MCM3: variants seen among roughly 807,000 people sequenced by gnomAD.
MCM3 encodes the protein DNA replication licensing factor MCM3.
Under a neutral mutation model 91.3 loss-of-function variants are expected in MCM3, and 59 were observed. The ratio of observed to expected loss-of-function variants is 0.65; its 90% CI spans 0.52 to 0.80. The LOEUF is 0.80. Among genes scored for constraint, MCM3 ranks in the 30% least tolerant of loss-of-function variants. The pLI is 0.00. For synonymous variants in MCM3, 383 were observed against 379.6 expected, an observed-to-expected ratio of 1.01 and a Z score of -0.10; for missense variants, 919 against 1,035.4, an observed-to-expected ratio of 0.89 and a Z score of 1.54.
intron 13 of MCM3, among the ~76,000 whole-genome samples, chr6:52,268,818 C>T (rs1253215904): frequency 2.0e-5 from 3 of 152,056 alleles, no homozygotes; most frequent in Non-Finnish European, 4.4e-5. Context: ...AAGCAGCTAA[C>T]TGAAAGTACA....
chr6:52,279,947 G>A (rs1203136659), intron 4 of MCM3, among the ~76,000 whole-genome samples: 1 of 152,194 alleles, frequency 6.6e-6, no homozygotes, highest in Non-Finnish European at 1.5e-5. Context: ...AATGCTCATA[G>A]CAACATTATG....
At chr6:52,281,303 T>G (rs1000684604) in intron 4 of MCM3, among the ~76,000 whole-genome samples, 1 of 152,224 alleles carries the variant, frequency 6.6e-6, no homozygotes, top group Non-Finnish European at 1.5e-5. Context: ...ATAACGTTGT[T>G]AAAACATCTA....
chr6:52,278,559 A>G (rs1765787179), intron 6 of MCM3, among the ~76,000 whole-genome samples, 183 bp downstream of exon 6: 1 of 152,212 alleles, frequency 6.6e-6, no homozygotes, highest in African/African-American at 2.4e-5. Context: ...TTGTTTAATA[A>G]CAACAGAATT....
chr6:52,270,729 A>G (rs1168822054), intron 12 of MCM3, among the ~76,000 whole-genome samples: 1 of 152,200 alleles, frequency 6.6e-6, no homozygotes, highest in Non-Finnish European at 1.5e-5. Flanking sequence ...AGGGCCTGGG[A>G]CACACCAGAA....
rs138564645 is a variant in MCM3, at chr6:52,269,152, G to A, written c.1902C>T (p.Ser634=). 5.6e-4 allele frequency: 899 copies of A among 1,614,082 alleles called. 8 individuals carry two copies. The East Asian group carries it at 0.02, about 35-fold the overall frequency. The part of the protein sequence containing the change: ...LATAHAKARM[S]KTVDLQDAEE... ...CTGCATCCTGCAGGTCCACAGTCTT[G>A]CTCATGCGGGCCTTCGCATGGGCTG... Residue 634 remains serine (S), a synonymous_variant, in exon 13 of 17, where the codon AGC becomes AGT. Coordinates refer to ENST00000596288, the MANE Select transcript of MCM3 (RefSeq NM_002388.6).
intron 10 of MCM3, 48 bp downstream of exon 10, chr6:52,273,694 T>C (rs1765325638): frequency 6.5e-7 from 1 of 1,542,626 alleles, no homozygotes. Flanking sequence ...AACTACCATC[T>C]GTTTAGCGCC....
chr6:52,277,116 G>A lies in MCM3; in HGVS notation c.1116C>T (p.Gly372=), dbSNP rs765145420. Residue 372 remains glycine (G), a synonymous_variant, in exon 8 of 17, where the codon GGC becomes GGT. Coordinates refer to ENST00000596288, the MANE Select transcript of MCM3 (RefSeq NM_002388.6). ...CAGCCGTCAGACCCACTCCAGAGGAGCCCCGGCCAGTGGTGGGGATAGCTC... is the reference window on the plus strand; with the variant it reads ...CAGCCGTCAGACCCACTCCAGAGGAACCCCGGCCAGTGGTGGGGATAGCTC... The part of the protein sequence containing the change: ...APRAIPTTGR[G]SSGVGLTAAV... 12 of 1,614,022 alleles carry A rather than the reference G, an allele frequency of 7.4e-6. No homozygotes were observed. The highest frequency in any genetic ancestry group is 1.0e-5 in the Non-Finnish European group (12 of 1,180,018).
intron 4 of MCM3, 30 bp from the exon 5 acceptor site, chr6:52,279,629 G>C: frequency 1.3e-6 from 2 of 1,500,846 alleles, no homozygotes; most frequent in Non-Finnish European, 1.8e-6. Context: ...GGGACAGAGT[G>C]ATCTCCGTCC....
intron 12 of MCM3, among the ~76,000 whole-genome samples, chr6:52,270,056 T>C (rs1253328398): frequency 6.6e-6 from 1 of 152,182 alleles, no homozygotes; most frequent in Non-Finnish European, 1.5e-5. Flanking sequence ...CCGGACGTGG[T>C]GGCTCACATC....
intron 13 of MCM3, among the ~76,000 whole-genome samples, chr6:52,268,490 A>G (rs1764822706): frequency 6.6e-6 from 1 of 152,232 alleles, no homozygotes; most frequent in Admixed American, 6.5e-5. Context: ...AGAGTTTATT[A>G]GACTCACAAC....
intron 9 of MCM3, 62 bp downstream of exon 9, chr6:52,276,206 C>T: frequency 6.8e-7 from 1 of 1,465,750 alleles, no homozygotes; most frequent in South Asian, 1.2e-5. Context: ...CACTTCTCAG[C>T]CCAGTTAGTC....
rs2128282707 is a variant in MCM3, at chr6:52,279,573, T to C, written c.558A>G (p.Thr186=). ...CCTTGTAGACAGAAAGGCCATATTC[T>C]GTCTCAAGGGGATTGTTCTCCTCAT... The part of the protein sequence containing the change: ...TKDEENNPLE[T]EYGLSVYKDH... Residue 186 remains threonine, a synonymous_variant, in exon 5 of 17, where the codon ACA becomes ACG. Transcript: ENST00000596288. 6.2e-7 allele frequency: 1 copy of C among 1,613,950 alleles called. No individual in the cohort carries two copies. The highest frequency in any genetic ancestry group is 8.5e-7 in the Non-Finnish European group (1 of 1,179,926).
rs762153505 is a variant in MCM3, at chr6:52,272,379, T to C, written c.1749A>G (p.Thr583=). 1.4e-5 allele frequency: 23 copies of C among 1,614,044 alleles called. No individual in the cohort carries two copies. In the South Asian group the frequency reaches 1.5e-4, roughly 11 times the overall value. The change falls in exon 12 of 17, where the codon ACA becomes ACG. Residue 583 remains threonine, a synonymous_variant. Transcript: ENST00000596288. ...HVAKIIKPVL[T]QESATYIAEE... is the part of the protein sequence containing the mutation. Reference sequence around the variant, plus strand: ...CTGCAATGTAGGTGGCCGACTCCTGTGTCAGGACAGGCTTGATGATTTTGG... The same window carrying C: ...CTGCAATGTAGGTGGCCGACTCCTGCGTCAGGACAGGCTTGATGATTTTGG...
chr6:52,277,044 G>C, intron 8 of MCM3, 23 bp downstream of exon 8: 1 of 1,605,424 alleles, frequency 6.2e-7, no homozygotes, highest in African/African-American at 1.3e-5. Flanking sequence ...CTGGGCCTTT[G>C]CCAAGGACCC....
In MCM3 at chr6:52,272,364, G is replaced by A; in HGVS notation, c.1764C>T (p.Thr588=). ...IKPVLTQESA[T]YIAEEYSRLR... is the part of the protein sequence containing the mutation. ...GGCGTGAATACTCTTCTGCAATGTAGGTGGCCGACTCCTGTGTCAGGACAG... is the reference window on the plus strand; with the variant it reads ...GGCGTGAATACTCTTCTGCAATGTAAGTGGCCGACTCCTGTGTCAGGACAG... Residue 588 remains threonine, a synonymous_variant, in exon 12 of 17, where the codon ACC becomes ACT. Transcript: ENST00000596288. The A allele has an allele frequency of 6.2e-7, 1 of 1,614,150 alleles. No individual in the cohort carries two copies. The highest frequency in any genetic ancestry group is 8.5e-7 in the Non-Finnish European group (1 of 1,180,024).
chr6:52,273,613 A>T, intron 10 of MCM3, 129 bp downstream of exon 10: 1 of 978,938 alleles, frequency 1.0e-6, no homozygotes, highest in Non-Finnish European at 1.5e-6. Context: ...GGAGGTGGCT[A>T]AACAGTTGAG....
chr6:52,267,865 C>T lies in MCM3; in HGVS notation c.2072G>A (p.Arg691Lys), dbSNP rs1331578587. Residue 691 changes from arginine (R) to lysine (K), a missense_variant and splice_region_variant, in exon 14 of 17, where the codon AGA becomes AAA. Arg to Lys is a conservative substitution (Grantham distance 26, BLOSUM62 2). This residue lies in a region of MCM3 where 285 missense variants were observed against 311.4 expected (regional missense o/e 0.92). Coordinates refer to ENST00000596288, the MANE Select transcript of MCM3 (RefSeq NM_002388.6). ...SQEDQEQKRK[R>K]RKTRQPDAKD... ...ATCTCATTTGCTTGCCCCACCTTAC[C>T]TCTTCCTCTTCTGCTCCTGGTCCTC... 1.9e-6 allele frequency: 2 copies of T among 1,050,260 alleles called. No individual in the cohort carries two copies. Among genetic ancestry groups the T allele is most frequent in the South Asian group, 2.6e-5 (2 of 75,524 alleles). The allele number at this position is 1,050,260 out of a possible 1,614,324, so 65.1% of individuals were successfully genotyped here. A position where few individuals can be genotyped will look rare whatever the true frequency, so the allele number is the denominator to read the frequency against.
In MCM3 at chr6:52,269,208, G is replaced by T. The variant is rs762801829; in HGVS notation, c.1846C>A (p.Arg616=). ...DTARTSPVTA[R]TLETLIRLAT... is the part of the protein sequence containing the mutation. Reference sequence around the variant, plus strand: ...AGTCGAATCAGAGTTTCCAGTGTTCGGGCTGTAACTGGAGATGTCTAGGGA... The same window carrying T: ...AGTCGAATCAGAGTTTCCAGTGTTCTGGCTGTAACTGGAGATGTCTAGGGA... The change falls in exon 13 of 17, where the codon CGA becomes AGA. Residue 616 remains arginine, a synonymous_variant. Coordinates refer to ENST00000596288, the MANE Select transcript of MCM3 (RefSeq NM_002388.6). 1.1e-5 allele frequency: 17 copies of T among 1,611,274 alleles called. No individual in the cohort carries two copies. Among genetic ancestry groups the T allele is most frequent in the African/African-American group, 1.3e-5 (1 of 74,874 alleles).
At chr6:52,282,958 A>G (rs889458123) in intron 2 of MCM3, 97 bp from the exon 3 acceptor site, 12 of 858,194 alleles carry the variant, frequency 1.4e-5, no homozygotes, top group Admixed American at 2.6e-5. Context: ...AAAAACAATG[A>G]GAAAATCCAG....
Sources: gnomAD v4.1 joint callset for allele counts (sites outside exome capture counted in the v4.1 genomes callset) on GRCh38, gnomAD v4.1.1 for gene constraint, gnomAD v4.1.1 regional missense constraint, MANE v1.5 for transcripts, NCBI Gene and HGNC (gene_info 2026-07-23, HGNC 2026-07-21) for gene names.